Variants in IRF2 observed in about 807,000 individuals in gnomAD.
IRF2 encodes the protein interferon regulatory factor 2.
In IRF2, 15 loss-of-function variants were observed where a neutral mutation model predicts 40.6. That is an observed-to-expected ratio of 0.37 (90% confidence interval 0.25 to 0.57). The LOEUF (loss-of-function observed/expected upper bound fraction) is 0.57. IRF2 is among the 20% of genes least tolerant of loss of function. The pLI is 0.77. For missense variants in IRF2, 317 were observed against 455.7 expected (o/e 0.70, Z 2.77); for synonymous variants, 151 against 165.5 (o/e 0.91, Z 0.67).
Position 184,388,953 on chromosome 4 carries a change from T to A in IRF2, c.855A>T (p.Lys285Asn), listed in dbSNP as rs1736152043. ...CTTTGATGGTGACCTGGAGGTCCGG[T>A]TTGTTGGAAGTGACGAAGGACGCCA... ...PGMASFVTSN[K>N]PDLQVTIKEE... The change falls in exon 9 of 9, where the codon AAA becomes AAT. Residue 285 changes from lysine to asparagine, a missense_variant. Physicochemically the swap from Lys to Asn is moderately conservative, Grantham distance 94 (BLOSUM62 0). This residue lies in a region of IRF2 where 262 missense variants were observed against 334.0 expected (regional missense o/e 0.78). Transcript: ENST00000393593. The surrounding 1 kb of genome is among the most constrained non-coding windows in gnomAD (Gnocchi z 4.6). 1 of 1,613,986 alleles carries A rather than the reference T, an allele frequency of 6.2e-7. No homozygotes were observed.
At chr4:184,431,964 T>C (rs1209661021) in intron 1 of IRF2, 3 of 152,108 alleles carry the variant, frequency 2.0e-5, no homozygotes, top group Non-Finnish European at 4.4e-5. Flanking sequence ...TGGTTCCCGT[T>C]CTTATATTAG....
intron 7 of IRF2, among the ~76,000 whole-genome samples, chr4:184,396,277 G>A (rs1444491863): frequency 6.6e-6 from 1 of 152,190 alleles, no homozygotes; most frequent in Non-Finnish European, 1.5e-5. Context: ...GAACGGCAGA[G>A]CCCGTGCGCT....
intron 1 of IRF2, among the ~76,000 whole-genome samples, chr4:184,445,950 T>C (rs887765697): frequency 1.3e-5 from 2 of 152,140 alleles, no homozygotes; most frequent in African/African-American, 4.8e-5. Flanking sequence ...AAATCCAATA[T>C]GACTGGTGTC....
At chr4:184,428,564 G>A (rs1442108780) in intron 2 of IRF2, 3 of 375,642 alleles carry the variant, frequency 8.0e-6, no homozygotes, top group Non-Finnish European at 1.6e-5. Context: ...TTGGGAGGCT[G>A]AGGTGGGAGG....
chr4:184,415,852 C>T (rs1737248114), intron 5 of IRF2, among the ~76,000 whole-genome samples: 1 of 152,214 alleles, frequency 6.6e-6, no homozygotes, highest in Non-Finnish European at 1.5e-5. Flanking sequence ...TGCATCTATT[C>T]AGTTATCAAA....
intron 1 of IRF2, among the ~76,000 whole-genome samples, chr4:184,436,527 C>A (rs1201929644): frequency 6.6e-6 from 1 of 152,092 alleles, no homozygotes; most frequent in Non-Finnish European, 1.5e-5. Context: ...TTATTAATTG[C>A]CAACTAAGTT....
chr4:184,464,345 G>C (rs1436486461), intron 1 of IRF2, among the ~76,000 whole-genome samples: 2 of 151,948 alleles, frequency 1.3e-5, no homozygotes, highest in Admixed American at 6.6e-5. Context: ...ACCATAAAAG[G>C]TCTGAAGATA....
chr4:184,396,408 G>A (rs528950000), intron 7 of IRF2, among the ~76,000 whole-genome samples: 51 of 150,796 alleles, frequency 3.4e-4, no homozygotes, highest in Non-Finnish European at 5.0e-4. Flanking sequence ...CACGCCAGCC[G>A]CAGATCCATA....
intron 1 of IRF2, among the ~76,000 whole-genome samples, chr4:184,471,742 A>G (rs1008457327): frequency 6.6e-6 from 1 of 152,234 alleles, no homozygotes; most frequent in Non-Finnish European, 1.5e-5. Flanking sequence ...AGTGTTTCAG[A>G]AAGTGGGATA....
At chr4:184,392,491 C>G (rs951071814) in intron 7 of IRF2, among the ~76,000 whole-genome samples, 6 of 152,342 alleles carry the variant, frequency 3.9e-5, no homozygotes, top group Middle Eastern at 3.4e-3. Flanking sequence ...CGTCAGCAAG[C>G]AGCTGCTCTC....
At chr4:184,473,395 G>A (rs980290312) in intron 1 of IRF2, among the ~76,000 whole-genome samples, 11 of 147,154 alleles carry the variant, frequency 7.5e-5, no homozygotes, top group African/African-American at 2.7e-4. Flanking sequence ...GGGCGCCTGC[G>A]GGGACCCGGG....
chr4:184,439,400 AT>A (rs773273086), intron 1 of IRF2, among the ~76,000 whole-genome samples: 1 of 151,092 alleles, frequency 6.6e-6, no homozygotes, highest in Admixed American at 6.6e-5. Context: ...AGAACCGGGA[AT>A]TTTTTTTATT....
At chr4:184,463,447 T>C (rs1218400727) in intron 1 of IRF2, among the ~76,000 whole-genome samples, 1 of 152,212 alleles carries the variant, frequency 6.6e-6, no homozygotes, top group East Asian at 1.9e-4. Flanking sequence ...TTTTAAATAC[T>C]CAGTATGAAA....
chr4:184,457,517 C>G (rs906404466), intron 1 of IRF2, among the ~76,000 whole-genome samples: 2 of 152,208 alleles, frequency 1.3e-5, no homozygotes, highest in African/African-American at 4.8e-5. Flanking sequence ...GTCTTTAATT[C>G]CTCCTCACTT....
At chr4:184,441,464 G>T (rs954943977) in intron 1 of IRF2, among the ~76,000 whole-genome samples, 1 of 152,192 alleles carries the variant, frequency 6.6e-6, no homozygotes, top group Non-Finnish European at 1.5e-5. Flanking sequence ...CCCCTGTAAT[G>T]TTCCTGCTAC....
chr4:184,452,478 C>A (rs576396819), intron 1 of IRF2, among the ~76,000 whole-genome samples: 1 of 152,102 alleles, frequency 6.6e-6, no homozygotes, highest in African/African-American at 2.4e-5. Flanking sequence ...GCAGACCGGG[C>A]GCAGCAACAA....
intron 1 of IRF2, among the ~76,000 whole-genome samples, chr4:184,452,851 A>C (rs1738777776): frequency 6.6e-6 from 1 of 151,796 alleles, no homozygotes. Flanking sequence ...AAACATGTAA[A>C]ATATCTAGAA....
chr4:184,456,621 C>T (rs1738945190), intron 1 of IRF2, among the ~76,000 whole-genome samples: 2 of 152,260 alleles, frequency 1.3e-5, no homozygotes, highest in South Asian at 2.1e-4. Context: ...GACGCGCTTT[C>T]CTGCGGCCCG....
chr4:184,447,979 G>A (rs1738575728), intron 1 of IRF2, among the ~76,000 whole-genome samples: 2 of 152,318 alleles, frequency 1.3e-5, no homozygotes, highest in Non-Finnish European at 1.5e-5. Flanking sequence ...GATTCTGATG[G>A]CCGTGCCAGG....
Sources: allele counts gnomAD v4.1 joint callset (sites outside exome capture counted in the v4.1 genomes callset), GRCh38; gene constraint gnomAD v4.1.1; regional missense constraint gnomAD v4.1.1; non-coding constraint Gnocchi (gnomAD v3.1); transcripts MANE v1.5; gene names NCBI Gene and HGNC (gene_info 2026-07-23, HGNC 2026-07-21).